Variants in MBOAT1 observed in about 807,000 individuals in gnomAD.
MBOAT1 encodes membrane bound glycerophospholipid O-acyltransferase 1.
A neutral mutation model predicts 64.4 loss-of-function variants in MBOAT1; 67 were observed. The observed-to-expected ratio is 1.04, with a 90% CI of 0.85 to 1.27. The LOEUF (loss-of-function observed/expected upper bound fraction) is 1.27, where lower values mean the gene tolerates loss of function less well. Among genes scored for constraint, MBOAT1 ranks in the 50% most tolerant of loss-of-function variants. The pLI, the probability that MBOAT1 is intolerant of heterozygous loss-of-function variation, is 0.00. For synonymous variants in MBOAT1, 229 were observed against 218.9 expected, an observed-to-expected ratio of 1.05 and a Z score of -0.41; for missense variants, 563 against 604.6, an observed-to-expected ratio of 0.93 and a Z score of 0.72.
rs145015124 is a variant in MBOAT1, at chr6:20,111,345, C to A, written c.1209+1531G>T. ...CTCAGGACAGAGACCGGGGTCCACC[C>A]ATCAAGCAATGCTGCACATCAGCTA... On this transcript the variant is annotated intron_variant, in intron 11 of 12. Transcript: ENST00000324607. 2.0e-5 allele frequency among the ~76,000 whole-genome samples: 3 copies of A among 152,294 alleles called. No individual in the cohort carries two copies. In the East Asian group the frequency reaches 5.8e-4, roughly 29 times the overall value.
At chr6:20,171,345 G>A (rs1028047042) in intron 1 of MBOAT1, among the ~76,000 whole-genome samples, 11 of 147,868 alleles carry the variant, frequency 7.4e-5, no homozygotes, top group East Asian at 4.1e-4. Context: ...AAGACCGGCC[G>A]GGGCAACATA....
chr6:20,162,984 T>G (rs1403703103), intron 1 of MBOAT1, among the ~76,000 whole-genome samples: 1 of 152,212 alleles, frequency 6.6e-6, no homozygotes, highest in Non-Finnish European at 1.5e-5. Flanking sequence ...GAGATTAAAT[T>G]GTACAGGGAG....
chr6:20,122,696 T>G (rs1051005678), intron 8 of MBOAT1, among the ~76,000 whole-genome samples: 25 of 152,076 alleles, frequency 1.6e-4, no homozygotes, highest in Admixed American at 7.2e-4. Context: ...GAGTTTCTGT[T>G]TGGGTGATGA....
intron 1 of MBOAT1, among the ~76,000 whole-genome samples, chr6:20,198,788 C>T (rs933735810): frequency 6.6e-6 from 1 of 152,178 alleles, no homozygotes; most frequent in Admixed American, 6.6e-5. Flanking sequence ...TGTTTTATAG[C>T]CCACTAGCTT....
At chr6:20,105,093 G>C (rs1194623886) in intron 12 of MBOAT1, among the ~76,000 whole-genome samples, 1 of 152,212 alleles carries the variant, frequency 6.6e-6, no homozygotes, top group Non-Finnish European at 1.5e-5. Flanking sequence ...AACAGGTATA[G>C]ACTGGGATTC....
intron 4 of MBOAT1, among the ~76,000 whole-genome samples, chr6:20,137,845 T>C (rs550312263): frequency 8.9e-4 from 135 of 152,362 alleles, no homozygotes; most frequent in African/African-American, 2.9e-3. Flanking sequence ...TAGGTTTGCA[T>C]GCATGCTCAA....
chr6:20,156,866 A>G (rs1026380277), intron 1 of MBOAT1, among the ~76,000 whole-genome samples: 1 of 152,224 alleles, frequency 6.6e-6, no homozygotes, highest in African/African-American at 2.4e-5. Context: ...GCCAAAACTG[A>G]CAAATGGGAT....
At chr6:20,191,094 T>G (rs1374393201) in intron 1 of MBOAT1, among the ~76,000 whole-genome samples, 1 of 152,220 alleles carries the variant, frequency 6.6e-6, no homozygotes, top group East Asian at 1.9e-4. Flanking sequence ...TGTTGGAAAC[T>G]TAATCCCCAA....
intron 10 of MBOAT1, 64 bp downstream of exon 10, chr6:20,115,224 T>C (rs1760284111): frequency 8.2e-7 from 1 of 1,224,158 alleles, no homozygotes; most frequent in African/African-American, 1.5e-5. Context: ...ACTGTTCATC[T>C]ACTGACTCCC....
At chr6:20,171,344 C>T (rs997020731) in intron 1 of MBOAT1, among the ~76,000 whole-genome samples, 3 of 147,534 alleles carry the variant, frequency 2.0e-5, no homozygotes, top group Non-Finnish European at 3.0e-5. Flanking sequence ...CAAGACCGGC[C>T]GGGGCAACAT....
chr6:20,197,252 A>C (rs1762984310), intron 1 of MBOAT1, among the ~76,000 whole-genome samples: 1 of 152,170 alleles, frequency 6.6e-6, no homozygotes, highest in Admixed American at 6.5e-5. Flanking sequence ...AGTGAAAGGA[A>C]AATAAATTTC....
At position 20,137,345 on chromosome 6, in the gene MBOAT1, G is replaced by A. The variant is rs573508399; in HGVS notation, c.420-6146C>T. On this transcript the variant is annotated intron_variant, in intron 4 of 12. Transcript: ENST00000324607. The stretch of plus-strand genomic sequence containing the variant: ...CAAAAGGAAATAAGAGTTCTTGCTG[G>A]GGCCCTCCAAAGAAAACTCGATTTG... 3.3e-5 allele frequency among the ~76,000 whole-genome samples: 5 copies of A among 152,200 alleles called. No individual in the cohort carries two copies. The South Asian group carries it at 1.0e-3, about 32-fold the overall frequency.
intron 1 of MBOAT1, among the ~76,000 whole-genome samples, chr6:20,154,923 T>A (rs16883442): frequency 1.3e-5 from 2 of 152,066 alleles, no homozygotes; most frequent in Non-Finnish European, 2.9e-5. Context: ...TGAAGATCTA[T>A]AAATGGTGAC....
chr6:20,198,041 C>T (rs1013082526), intron 1 of MBOAT1, among the ~76,000 whole-genome samples: 2 of 152,044 alleles, frequency 1.3e-5, no homozygotes, highest in Non-Finnish European at 2.9e-5. Flanking sequence ...GCCTGGTCAA[C>T]ATGGTGAAAC....
chr6:20,200,973 C>G (rs1763105219), intron 1 of MBOAT1, among the ~76,000 whole-genome samples: 1 of 152,152 alleles, frequency 6.6e-6, no homozygotes, highest in Non-Finnish European at 1.5e-5. Context: ...AAAAAATACA[C>G]AGTTGCATCA....
At chr6:20,103,198 T>A (rs1218050890) in intron 12 of MBOAT1, among the ~76,000 whole-genome samples, 5 of 152,172 alleles carry the variant, frequency 3.3e-5, no homozygotes, top group Admixed American at 3.3e-4. Context: ...TGCATGTTAT[T>A]GCCTCTGAAG....
intron 1 of MBOAT1, among the ~76,000 whole-genome samples, chr6:20,201,838 T>G (rs896187648): frequency 6.6e-6 from 1 of 152,026 alleles, no homozygotes; most frequent in African/African-American, 2.4e-5. Flanking sequence ...CACCGTGGCC[T>G]CTCCAAGTGC....
intron 7 of MBOAT1, among the ~76,000 whole-genome samples, chr6:20,124,849 TCAG>T (rs1478788430): frequency 6.6e-6 from 1 of 152,170 alleles, no homozygotes; most frequent in East Asian, 1.9e-4. Flanking sequence ...AAAACTTCCA[TCAG>T]CATATTCAAC....
rs554763143 is a variant in MBOAT1, at chr6:20,113,135, G to A, written c.1077-127C>T. On this transcript the variant is annotated intron_variant, in intron 10 of 12. Coordinates refer to ENST00000324607, the MANE Select transcript of MBOAT1 (RefSeq NM_001080480.3). ...TTACTGATGAGATGCCTCCCTAACC[G>A]TCTTCGGGGACTTGCAGTGCAATCC... 5.1e-5 allele frequency: 59 copies of A among 1,150,312 alleles called. No individual in the cohort carries two copies. The East Asian group carries it at 5.9e-4, about 12-fold the overall frequency. The allele number at this position is 1,150,312 out of a possible 1,614,324, so 71.3% of individuals were successfully genotyped here. A position where few individuals can be genotyped will look rare whatever the true frequency, so the allele number is the denominator to read the frequency against.
Sources: allele counts gnomAD v4.1 joint callset (sites outside exome capture counted in the v4.1 genomes callset), GRCh38; gene constraint gnomAD v4.1.1; transcripts MANE v1.5; gene names NCBI Gene and HGNC (gene_info 2026-07-23, HGNC 2026-07-21).